The following CDC42BPB variants were observed in gnomAD, a reference collection of about 807,000 sequenced individuals.
CDC42BPB encodes serine/threonine-protein kinase MRCK beta.
CDC42BPB carries 37 observed loss-of-function variants against 214.9 expected under a neutral mutation model. The observed-to-expected ratio is 0.17, with a 90% CI of 0.13 to 0.23. The LOEUF is 0.23. CDC42BPB is among the 10% of genes least tolerant of loss of function. The pLI is 1.00. For missense variants in CDC42BPB, 1,694 were observed against 2,227.0 expected, an observed-to-expected ratio of 0.76 and a Z score of 4.82; for synonymous variants, 931 against 884.0, an observed-to-expected ratio of 1.05 and a Z score of -0.94.
chr14:103,020,682 A>G (rs1886722409), intron 1 of CDC42BPB, among the ~76,000 whole-genome samples: 1 of 152,182 alleles, frequency 6.6e-6, no homozygotes, highest in Non-Finnish European at 1.5e-5. Flanking sequence ...GAGAGAGAGC[A>G]CAGGGCGTGT....
chr14:103,002,005 T>C (rs1488665975), intron 4 of CDC42BPB, among the ~76,000 whole-genome samples: 1 of 152,228 alleles, frequency 6.6e-6, no homozygotes, highest in African/African-American at 2.4e-5. Context: ...CGCGGGGTGC[T>C]GAGTTAAGCC....
At chr14:102,994,389 A>G (rs956784723) in intron 5 of CDC42BPB, among the ~76,000 whole-genome samples, 8 of 151,682 alleles carry the variant, frequency 5.3e-5, no homozygotes, top group African/African-American at 1.9e-4. Context: ...TTTTAAGTGA[A>G]CTTGCTGTTT....
chr14:103,037,977 C>G (rs1304170325), intron 1 of CDC42BPB, among the ~76,000 whole-genome samples: 1 of 147,920 alleles, frequency 6.8e-6, no homozygotes, highest in Non-Finnish European at 1.5e-5. Flanking sequence ...TGCAGTGAGC[C>G]GAGATCATGC....
Position 102,943,842 on chromosome 14 carries a change from CGGT to C in CDC42BPB, c.4408+46_4408+48del. ...GCAAAATCGAACACATGCTGACTGTCGGTGGGAAAAGCAGCAACAGGGATATGC... is the reference window on the plus strand; with the variant it reads ...GCAAAATCGAACACATGCTGACTGTCGGGAAAAGCAGCAACAGGGATATGC... On this transcript the variant is annotated intron_variant, in intron 30 of 36. Coordinates refer to ENST00000361246, the MANE Select transcript of CDC42BPB (RefSeq NM_006035.4). The surrounding 1 kb of genome is among the most constrained non-coding windows in gnomAD (Gnocchi z 4.6). 1.3e-6 allele frequency: 2 copies of C among 1,514,998 alleles called. No homozygotes were observed. The highest frequency in any genetic ancestry group is 1.8e-6 in the Non-Finnish European group (2 of 1,121,778). The allele number at this position is 1,514,998 out of a possible 1,614,324, so 93.8% of individuals were successfully genotyped here.
chr14:102,995,944 A>G (rs1052181715), intron 5 of CDC42BPB, among the ~76,000 whole-genome samples: 5 of 152,236 alleles, frequency 3.3e-5, no homozygotes, highest in Non-Finnish European at 4.4e-5. Context: ...CTGGGCACTC[A>G]GTCTGAATAA....
At chr14:103,044,004 C>T (rs1361177969) in intron 1 of CDC42BPB, among the ~76,000 whole-genome samples, 2 of 152,134 alleles carry the variant, frequency 1.3e-5, no homozygotes, top group Non-Finnish European at 2.9e-5. Flanking sequence ...ATATCAATGC[C>T]ATCCCTGACA....
At chr14:102,950,320 C>T (rs1293002701) in intron 25 of CDC42BPB, 146 bp downstream of exon 25, 1 of 1,147,646 alleles carries the variant, frequency 8.7e-7, no homozygotes. Flanking sequence ...CTGATGGCCT[C>T]AGTGCCCAGG....
At chr14:103,008,159 T>G in intron 3 of CDC42BPB, among the ~76,000 whole-genome samples, 1 of 152,356 alleles carries the variant, frequency 6.6e-6, no homozygotes, top group East Asian at 1.9e-4. Context: ...CTTTTGTGTA[T>G]GGAGCAGAAC....
chr14:103,051,043 TTACC>T (rs1257178742), intron 1 of CDC42BPB, among the ~76,000 whole-genome samples: 1 of 151,474 alleles, frequency 6.6e-6, no homozygotes, highest in East Asian at 1.9e-4. Context: ...GTTGCCACTG[TTACC>T]TACCAATCAA....
At chr14:103,033,515 C>T (rs1398641581) in intron 1 of CDC42BPB, among the ~76,000 whole-genome samples, 2 of 152,138 alleles carry the variant, frequency 1.3e-5, no homozygotes, top group Admixed American at 1.3e-4. Context: ...AGCCACCGCA[C>T]CCAGCTGCTC....
chr14:103,038,721 G>GC (rs1462242586), intron 1 of CDC42BPB, among the ~76,000 whole-genome samples: 1 of 109,754 alleles, frequency 9.1e-6, no homozygotes, highest in Non-Finnish European at 1.8e-5. Flanking sequence ...GAGACGGGGG[G>GC]GGGGGGCGGG....
intron 29 of CDC42BPB, 115 bp downstream of exon 29, chr14:102,945,547 G>T: frequency 1.1e-6 from 1 of 886,010 alleles, no homozygotes; most frequent in Non-Finnish European, 1.8e-6. Context: ...TGGCCCCTCC[G>T]GCGCCTTCAT....
chr14:103,004,267 C>T lies in CDC42BPB; in HGVS notation c.352-244G>A, dbSNP rs1267877472. 5 of 1,010,158 alleles carry T rather than the reference C, an allele frequency of 4.9e-6. No individual in the cohort carries two copies. Among genetic ancestry groups the T allele is most frequent in the African/African-American group, 1.7e-5 (1 of 60,048 alleles). The allele number at this position is 1,010,158 out of a possible 1,614,324, so 62.6% of individuals were successfully genotyped here. A position where few individuals can be genotyped will look rare whatever the true frequency, so the allele number is the denominator to read the frequency against. On this transcript the variant is annotated intron_variant, in intron 3 of 36. Transcript: ENST00000361246. The surrounding 1 kb of genome is among the most constrained non-coding windows in gnomAD (Gnocchi z 5.3). ...CACTTGCACCCTGCTGTCCCACGGG[C>T]ACCATTTCTGTGGCTGACACTTAGA...
chr14:102,964,298 C>A (rs150455153), intron 19 of CDC42BPB, among the ~76,000 whole-genome samples: 7 of 152,384 alleles, frequency 4.6e-5, no homozygotes, highest in African/African-American at 1.7e-4. Context: ...CAAGGCCCTG[C>A]ACCCTCGCGG....
In CDC42BPB at chr14:102,940,227, C is replaced by T; in HGVS notation, c.4506G>A (p.Arg1502=). Residue 1502 remains arginine (R), a splice_region_variant and synonymous_variant, in exon 31 of 37, where the codon AGG becomes AGA. Coordinates refer to ENST00000361246, the MANE Select transcript of CDC42BPB (RefSeq NM_006035.4). ...CAGGAGGGCACCGAGGCCGCCTTACCCTCCGCAGGCCGATGGTCTGCACCC... is the reference window on the plus strand; with the variant it reads ...CAGGAGGGCACCGAGGCCGCCTTACTCTCCGCAGGCCGATGGTCTGCACCC... ...MEWVQTIGLR[R]IRPLNSEGTL... is the part of the protein sequence containing the mutation. 6.2e-7 allele frequency: 1 copy of T among 1,603,236 alleles called. No homozygotes were observed. Among genetic ancestry groups the T allele is most frequent in the Non-Finnish European group, 8.5e-7 (1 of 1,175,292 alleles).
At chr14:102,945,093 C>T (rs1892094800) in intron 29 of CDC42BPB, 1 of 363,050 alleles carries the variant, frequency 2.8e-6, no homozygotes, top group African/African-American at 2.1e-5. Flanking sequence ...ACGGCCTCGC[C>T]CAGCGGCTGC....
At chr14:102,952,660 C>A in intron 23 of CDC42BPB, 57 bp from the exon 24 acceptor site, 2 of 1,576,450 alleles carry the variant, frequency 1.3e-6, no homozygotes, top group Non-Finnish European at 1.7e-6. Flanking sequence ...AGAGTCAGAT[C>A]CATCTGCCTG....
Position 102,938,347 on chromosome 14 carries a change from G to A in CDC42BPB, c.4892C>T (p.Pro1631Leu). 6.2e-7 allele frequency: 1 copy of A among 1,600,690 alleles called. No individual in the cohort carries two copies. Among genetic ancestry groups the A allele is most frequent in the Non-Finnish European group, 8.5e-7 (1 of 1,174,376 alleles). The change falls in exon 35 of 37, where the codon CCT (proline) becomes CTT (leucine). Residue 1631 changes from proline (P) to leucine (L), a missense_variant. By Grantham distance (98) the Pro-to-Leu change is moderately conservative. Coordinates refer to ENST00000361246, the MANE Select transcript of CDC42BPB (RefSeq NM_006035.4). ...GATGTAGGGCTTGTTCCTGGATGGA[G>A]GCTGGCGAGCCAGGTTGGTGGGAGC... is the stretch of plus-strand genomic sequence containing the variant. ...GPAPTNLARQ[P>L]PSRNKPYISW... is the part of the protein sequence containing the mutation.
At position 102,967,184 on chromosome 14, in the gene CDC42BPB, A is replaced by ATT; in HGVS notation, c.2347-16_2347-15dup. ...AAAGGAACAGAGCTGAAATGAAACAATTTCACCACAGAACTTGTTAATCGG... is the reference window on the plus strand; with the variant it reads ...AAAGGAACAGAGCTGAAATGAAACAATTTTTCACCACAGAACTTGTTAATCGG... On this transcript the variant is annotated splice_polypyrimidine_tract_variant and intron_variant, in intron 16 of 36. Coordinates refer to ENST00000361246, the MANE Select transcript of CDC42BPB (RefSeq NM_006035.4). The ATT allele has an allele frequency of 6.2e-7, 1 of 1,605,728 alleles. No individual in the cohort carries two copies. Among genetic ancestry groups the ATT allele is most frequent in the Non-Finnish European group, 8.5e-7 (1 of 1,173,362 alleles).
Sources: allele counts gnomAD v4.1 joint callset (sites outside exome capture counted in the v4.1 genomes callset), GRCh38; gene constraint gnomAD v4.1.1; non-coding constraint Gnocchi (gnomAD v3.1); transcripts MANE v1.5; gene names NCBI Gene and HGNC (gene_info 2026-07-23, HGNC 2026-07-21).